The following SCPEP1 variants were observed in gnomAD, a reference collection of about 807,000 sequenced individuals.
The protein encoded by SCPEP1 is serine carboxypeptidase 1, also known as retinoid-inducible serine carboxypeptidase.
A neutral mutation model predicts 63.8 loss-of-function variants in SCPEP1; 51 were observed. The observed-to-expected ratio is 0.80, with a 90% CI of 0.64 to 1.01. The LOEUF is 1.01. Among genes scored for constraint, SCPEP1 ranks in the 50% least tolerant of loss-of-function variants. The probability of loss-of-function intolerance (pLI) is 0.00; values close to 1 mark genes in which losing one functional copy is unlikely to be tolerated. For missense variants in SCPEP1, 499 were observed against 554.9 expected, an observed-to-expected ratio of 0.90 and a Z score of 1.01; for synonymous variants, 204 against 207.8, an observed-to-expected ratio of 0.98 and a Z score of 0.16.
intron 6 of SCPEP1, 41 bp downstream of exon 6, chr17:56,991,212 GC>G: frequency 6.8e-7 from 1 of 1,461,140 alleles, no homozygotes; most frequent in Non-Finnish European, 9.6e-7. Flanking sequence ...CTCCCCTTTT[GC>G]CCATCCTTTC....
At position 56,994,965 on chromosome 17, in the gene SCPEP1, A is replaced by G. The variant is rs1911502442; in HGVS notation, c.620-16A>G. On this transcript the variant is annotated splice_polypyrimidine_tract_variant and intron_variant, in intron 6 of 12. Transcript: ENST00000262288. ...GGTATGACATACTTGATTTGTACATATGTGATTTCCTTTAGATTCGGTGCT... is the reference window on the plus strand; with the variant it reads ...GGTATGACATACTTGATTTGTACATGTGTGATTTCCTTTAGATTCGGTGCT... The G allele has an allele frequency of 6.2e-7, 1 of 1,609,036 alleles. No individual in the cohort carries two copies. Among genetic ancestry groups the G allele is most frequent in the Non-Finnish European group, 8.5e-7 (1 of 1,175,408 alleles).
At chr17:56,985,310 A>G in intron 2 of SCPEP1, 68 bp from the exon 3 acceptor site, 1 of 1,165,226 alleles carries the variant, frequency 8.6e-7, no homozygotes, top group Non-Finnish European at 1.3e-6. Flanking sequence ...TCTATAGCAA[A>G]TGTGGTCATT....
intron 1 of SCPEP1, among the ~76,000 whole-genome samples, chr17:56,979,501 A>G (rs1041657965): frequency 2.0e-5 from 3 of 147,028 alleles, no homozygotes; most frequent in Non-Finnish European, 4.5e-5. Flanking sequence ...GTTTTGGAGG[A>G]AAAAAAAAAA....
chr17:56,994,941 G>A lies in SCPEP1; in HGVS notation c.620-40G>A, dbSNP rs951352830. 13 of 1,564,140 alleles carry A rather than the reference G, an allele frequency of 8.3e-6. No homozygotes were observed. The Admixed American group carries it at 1.3e-4, about 16-fold the overall frequency. On this transcript the variant is annotated intron_variant, in intron 6 of 12. Coordinates refer to ENST00000262288, the MANE Select transcript of SCPEP1 (RefSeq NM_021626.3). ...TAGGTTTGTCTTTGGAAAGACAGAG[G>A]TATGACATACTTGATTTGTACATAT...
At chr17:56,991,600 A>T (rs551593965) in intron 6 of SCPEP1, among the ~76,000 whole-genome samples, 2 of 152,328 alleles carry the variant, frequency 1.3e-5, no homozygotes, top group African/African-American at 2.4e-5. Context: ...ACGCATATTG[A>T]TGGCAAGACA....
chr17:57,003,956 T>C (rs1597924410), intron 12 of SCPEP1, among the ~76,000 whole-genome samples: 1 of 152,240 alleles, frequency 6.6e-6, no homozygotes, highest in Admixed American at 6.5e-5. Context: ...CCCAGCATTT[T>C]GGGAGGCGAA....
intron 5 of SCPEP1, among the ~76,000 whole-genome samples, chr17:56,990,580 A>G (rs1289937435): frequency 6.6e-6 from 1 of 152,184 alleles, no homozygotes; most frequent in African/African-American, 2.4e-5. Flanking sequence ...TGCTTTCTTC[A>G]ATCAGTAGTT....
intron 5 of SCPEP1, among the ~76,000 whole-genome samples, chr17:56,990,253 G>A (rs1911352761): frequency 6.6e-6 from 1 of 152,212 alleles, no homozygotes. Context: ...GTCAGTTGGT[G>A]AGTGTGAGGG....
At chr17:56,997,795 G>C (rs991322306) in intron 9 of SCPEP1, among the ~76,000 whole-genome samples, 4 of 149,244 alleles carry the variant, frequency 2.7e-5, no homozygotes, top group Admixed American at 2.0e-4. Context: ...GTTTCACTCT[G>C]TTGCCCAGGC....
intron 11 of SCPEP1, 60 bp downstream of exon 11, chr17:57,001,052 C>G: frequency 1.3e-6 from 2 of 1,579,542 alleles, no homozygotes; most frequent in Non-Finnish European, 1.7e-6. Flanking sequence ...TGGAAGGGAA[C>G]TGGCCTTGGA....
chr17:56,990,540 G>A (rs1313716315), intron 5 of SCPEP1, among the ~76,000 whole-genome samples: 1 of 152,178 alleles, frequency 6.6e-6, no homozygotes, highest in African/African-American at 2.4e-5. Context: ...TTAGCTGAAT[G>A]AGATCATATT....
chr17:57,004,189 G>A (rs1019721923), intron 12 of SCPEP1, among the ~76,000 whole-genome samples: 2 of 152,190 alleles, frequency 1.3e-5, no homozygotes, highest in African/African-American at 4.8e-5. Flanking sequence ...TAGCGCCACT[G>A]CACTCCAGCC....
intron 6 of SCPEP1, among the ~76,000 whole-genome samples, chr17:56,991,544 T>G (rs1432264384): frequency 2.0e-5 from 3 of 152,168 alleles, no homozygotes; most frequent in African/African-American, 7.2e-5. Flanking sequence ...CCCCCTCTAC[T>G]TCCCTGATGC....
At chr17:56,992,098 C>T (rs567871761) in intron 6 of SCPEP1, among the ~76,000 whole-genome samples, 3 of 152,268 alleles carry the variant, frequency 2.0e-5, no homozygotes, top group Admixed American at 6.5e-5. Context: ...GGTGGTTACA[C>T]GGGCATATGC....
Position 57,006,574 on chromosome 17 carries a change from G to A in SCPEP1, c.*339G>A, listed in dbSNP as rs1911904331. 1 of 171,336 alleles carries A rather than the reference G, an allele frequency of 5.8e-6. No homozygotes were observed. The highest frequency in any genetic ancestry group is 2.4e-5 in the African/African-American group (1 of 42,186). The allele number at this position is 171,336 out of a possible 1,614,324, so 10.6% of individuals were successfully genotyped here. On this transcript the variant is annotated 3_prime_UTR_variant, in exon 13 of 13. Transcript: ENST00000262288. ...GTACCCAAAGAGTAAATCAACATCT[G>A]TATACCCCCTTCCCAGGGGTAAGCA... is the stretch of plus-strand genomic sequence containing the variant.
At chr17:57,001,968 A>C (rs750899113) in intron 11 of SCPEP1, 50 bp from the exon 12 acceptor site, 3 of 1,571,628 alleles carry the variant, frequency 1.9e-6, no homozygotes, top group Non-Finnish European at 1.7e-6. Flanking sequence ...CTTTTTTCCT[A>C]TTCTATCCAG....
chr17:56,986,631 C>T (rs967058174), intron 3 of SCPEP1, among the ~76,000 whole-genome samples: 9 of 151,026 alleles, frequency 6.0e-5, no homozygotes, highest in Admixed American at 4.6e-4. Context: ...CTGCAAGCTC[C>T]GCCTCCCGGG....
intron 6 of SCPEP1, among the ~76,000 whole-genome samples, chr17:56,993,824 G>A (rs984893079): frequency 1.8e-4 from 27 of 152,302 alleles, no homozygotes; most frequent in African/African-American, 6.5e-4. Flanking sequence ...AGATAGGCTG[G>A]CCTACCAGGC....
At chr17:56,991,204 C>T (rs2144489734) in intron 6 of SCPEP1, 33 bp downstream of exon 6, 1 of 1,501,574 alleles carries the variant, frequency 6.7e-7, no homozygotes, top group Admixed American at 1.7e-5. Flanking sequence ...TTTTTTCACT[C>T]CCCTTTTGCC....
Sources: allele counts gnomAD v4.1 joint callset (sites outside exome capture counted in the v4.1 genomes callset), GRCh38; gene constraint gnomAD v4.1.1; transcripts MANE v1.5; gene names NCBI Gene and HGNC (gene_info 2026-07-23, HGNC 2026-07-21).